PARD3B: variants seen among roughly 807,000 people sequenced by gnomAD.
PARD3B encodes the protein partitioning defective 3 homolog B.
PARD3B carries 103 observed loss-of-function variants against 130.2 expected under a neutral mutation model. The observed-to-expected ratio is 0.79, with a 90% confidence interval of 0.67 to 0.93. The LOEUF (loss-of-function observed/expected upper bound fraction) is 0.93. PARD3B is among the 40% of genes least tolerant of loss of function. The pLI is 0.00. For missense variants in PARD3B, 1,609 were observed against 1,499.2 expected (o/e 1.07, Z -1.21); for synonymous variants, 583 against 553.2 (o/e 1.05, Z -0.76).
intron 22 of PARD3B, among the ~76,000 whole-genome samples, chr2:205,607,328 G>A (rs146993254): frequency 1.3e-5 from 2 of 152,194 alleles, no homozygotes; most frequent in East Asian, 3.9e-4. Context: ...CTTTCACCCG[G>A]TGCCAGCAGG....
intron 1 of PARD3B, among the ~76,000 whole-genome samples, chr2:204,592,140 T>C (rs541627231): frequency 1.4e-4 from 22 of 152,368 alleles, no homozygotes; most frequent in African/African-American, 4.6e-4. Context: ...TTGTAGGAGA[T>C]GGCTGGAGGC....
chr2:205,120,295 G>T (rs1447993689), intron 7 of PARD3B, among the ~76,000 whole-genome samples: 3 of 152,100 alleles, frequency 2.0e-5, no homozygotes, highest in Non-Finnish European at 4.4e-5. Context: ...TAAAAATTTA[G>T]TATAGAGTTA....
At chr2:205,583,782 GC>G (rs2054092554) in intron 22 of PARD3B, among the ~76,000 whole-genome samples, 1 of 152,164 alleles carries the variant, frequency 6.6e-6, no homozygotes, top group South Asian at 2.1e-4. Context: ...ACGGAGGTCT[GC>G]CACAATCTTT....
intron 18 of PARD3B, among the ~76,000 whole-genome samples, chr2:205,305,593 G>T (rs1415696704): frequency 2.0e-5 from 3 of 152,156 alleles, no homozygotes; most frequent in African/African-American, 7.2e-5. Flanking sequence ...AATATATTTA[G>T]ATAAGAATTT....
intron 2 of PARD3B, among the ~76,000 whole-genome samples, chr2:204,892,349 T>C (rs1334485959): frequency 6.6e-6 from 1 of 152,144 alleles, no homozygotes; most frequent in African/African-American, 2.4e-5. Flanking sequence ...ATTGAGGATG[T>C]TGACTTTGAC....
chr2:205,516,042 T>A (rs2050780400), intron 21 of PARD3B, among the ~76,000 whole-genome samples: 1 of 152,204 alleles, frequency 6.6e-6, no homozygotes, highest in Non-Finnish European at 1.5e-5. Context: ...CACCATTTAT[T>A]GAAGAGGGAG....
intron 2 of PARD3B, among the ~76,000 whole-genome samples, chr2:204,762,616 T>C (rs1380171516): frequency 6.6e-6 from 1 of 152,192 alleles, no homozygotes; most frequent in African/African-American, 2.4e-5. Flanking sequence ...GAATTGGAGT[T>C]TTAATTTGTT....
chr2:205,503,202 G>T (rs2050222719), intron 21 of PARD3B, among the ~76,000 whole-genome samples: 1 of 152,126 alleles, frequency 6.6e-6, no homozygotes, highest in South Asian at 2.1e-4. Flanking sequence ...ATCCAGCCAG[G>T]AATAGATCTA....
At chr2:204,852,702 G>A (rs1048394612) in intron 2 of PARD3B, among the ~76,000 whole-genome samples, 1 of 152,114 alleles carries the variant, frequency 6.6e-6, no homozygotes, top group Non-Finnish European at 1.5e-5. Flanking sequence ...GCTCCAGAGT[G>A]TCTTGTTTCT....
intron 4 of PARD3B, among the ~76,000 whole-genome samples, chr2:205,053,552 A>G (rs1699382512): frequency 6.6e-6 from 1 of 151,878 alleles, no homozygotes. Context: ...AGGCAGGACA[A>G]TCGCTTGAAC....
At chr2:205,540,286 A>G (rs992709744) in intron 21 of PARD3B, among the ~76,000 whole-genome samples, 1 of 151,736 alleles carries the variant, frequency 6.6e-6, no homozygotes, top group Non-Finnish European at 1.5e-5. Context: ...CAGCTGGTCT[A>G]TCACTTCCTC....
Position 205,341,126 on chromosome 2 carries a change from T to A in PARD3B, c.2630+39425T>A, listed in dbSNP as rs1264030497. ...TAAAAAATGCTAAAGAAAAGGGAAC[T>A]CTTAGACACTGTTGGTGGGGATGTA... On this transcript the variant is annotated intron_variant, in intron 18 of 22. Coordinates refer to ENST00000406610, the MANE Select transcript of PARD3B (RefSeq NM_001302769.2). The surrounding 1 kb of genome is among the most constrained non-coding windows in gnomAD (Gnocchi z 4.3). Among the ~76,000 whole-genome samples, 1 of 151,964 alleles carries A rather than the reference T, an allele frequency of 6.6e-6. No individual in the cohort carries two copies.
At chr2:205,561,429 T>G (rs2053132210) in intron 22 of PARD3B, among the ~76,000 whole-genome samples, 1 of 152,116 alleles carries the variant, frequency 6.6e-6, no homozygotes, top group African/African-American at 2.4e-5. Flanking sequence ...TGTCTGGGTG[T>G]GGGTAGAGGT....
At chr2:205,577,938 G>C (rs2053822211) in intron 22 of PARD3B, among the ~76,000 whole-genome samples, 1 of 152,206 alleles carries the variant, frequency 6.6e-6, no homozygotes, top group African/African-American at 2.4e-5. Flanking sequence ...CTGGAACATT[G>C]ATAAGAATAC....
chr2:204,754,368 G>T (rs933323599), intron 2 of PARD3B, among the ~76,000 whole-genome samples: 7 of 104,302 alleles, frequency 6.7e-5, no homozygotes, highest in African/African-American at 1.9e-4. Flanking sequence ...TTAAAGAGAG[G>T]GAACTCGAAA....
At position 204,563,964 on chromosome 2, in the gene PARD3B, C is replaced by T. The variant is rs186889580; in HGVS notation, c.120+17845C>T. On this transcript the variant is annotated intron_variant, in intron 1 of 22. Transcript: ENST00000406610. ...AATTTTTTTGTATTTTTAGTGGAGA[C>T]GGGGTTTAACCGTGTTAGCCAGGAT... Among the ~76,000 whole-genome samples the T allele has an allele frequency of 8.7e-3, 1,319 of 152,118 alleles. 14 individuals are homozygous for T. Among genetic ancestry groups the T allele is most frequent in the African/African-American group, 0.031 (1,281 of 41,514 alleles).
At chr2:204,622,374 T>G (rs1399053550) in intron 1 of PARD3B, among the ~76,000 whole-genome samples, 2 of 152,296 alleles carry the variant, frequency 1.3e-5, no homozygotes, top group East Asian at 3.9e-4. Context: ...TCATTGTCCG[T>G]GTATGGCATT....
intron 2 of PARD3B, among the ~76,000 whole-genome samples, chr2:204,833,349 A>G (rs2043901302): frequency 6.6e-6 from 1 of 152,152 alleles, no homozygotes; most frequent in African/African-American, 2.4e-5. Flanking sequence ...ACATTTCTTG[A>G]CTGTTAACAC....
intron 6 of PARD3B, 31 bp downstream of exon 6, chr2:205,113,608 T>C (rs2125598455): frequency 1.3e-6 from 2 of 1,552,664 alleles, no homozygotes; most frequent in East Asian, 2.3e-5. Flanking sequence ...CAGAAGCTCA[T>C]GCTAATGAAA....
Sources: allele counts gnomAD v4.1 joint callset (sites outside exome capture counted in the v4.1 genomes callset), GRCh38; gene constraint gnomAD v4.1.1; non-coding constraint Gnocchi (gnomAD v3.1); transcripts MANE v1.5; gene names NCBI Gene and HGNC (gene_info 2026-07-23, HGNC 2026-07-21).